The following TBC1D21 variants were observed in gnomAD, a reference collection of about 807,000 sequenced individuals.
The protein encoded by TBC1D21 is male germ cell Rab GTPase-activating protein.
A neutral mutation model predicts 46.0 loss-of-function variants in TBC1D21; 38 were observed. The ratio of observed to expected loss-of-function variants is 0.83; its 90% CI spans 0.64 to 1.08. The LOEUF is 1.08. TBC1D21 is among the 50% of genes least tolerant of loss of function. TBC1D21 has a pLI of 0.00. For synonymous variants in TBC1D21, 151 were observed against 157.2 expected (o/e 0.96, Z 0.29); for missense variants, 415 against 417.9 (o/e 0.99, Z 0.06).
intron 1 of TBC1D21, among the ~76,000 whole-genome samples, chr15:73,879,883 T>C (rs922811459): frequency 7.0e-6 from 1 of 143,450 alleles, no homozygotes; most frequent in African/African-American, 2.5e-5. Context: ...CCTGTTGTTG[T>C]TGTTGTTGTT....
chr15:73,875,326 GA>G (rs2068042471), intron 1 of TBC1D21, among the ~76,000 whole-genome samples: 2 of 116,296 alleles, frequency 1.7e-5, no homozygotes, highest in African/African-American at 6.7e-5. Flanking sequence ...GGAAGGAAGG[GA>G]GGGAGGGAGG....
At position 73,889,081 on chromosome 15, in the gene TBC1D21, T is replaced by G. The variant is rs756496516; in HGVS notation, c.991T>G (p.Leu331Val). 1.6e-5 allele frequency: 26 copies of G among 1,613,228 alleles called. No individual in the cohort carries two copies. Among genetic ancestry groups the G allele is most frequent in the Non-Finnish European group, 2.1e-5 (25 of 1,179,750 alleles). Residue 331 changes from leucine to valine, a missense_variant, in exon 11 of 11, where the codon TTA becomes GTA. By Grantham distance (32) the Leu-to-Val change is conservative. Transcript: ENST00000300504. ...GCCTCCTCCCTAGGTTCCTCAGACA[T>G]TAAAGGATTTCTTCCTCTGAGGACA... ...ELIQKDVPQT[L>V]KDFFL
the TBC1D21 span, among the ~76,000 whole-genome samples, chr15:73,905,902 A>C: frequency 6.6e-5 from 10 of 151,270 alleles, no homozygotes; most frequent in African/African-American, 2.5e-4. Context: ...CCTCTGTCCC[A>C]GGGATCATTG....
the TBC1D21 span, among the ~76,000 whole-genome samples, chr15:73,895,334 A>C: frequency 1.3e-5 from 2 of 152,150 alleles, no homozygotes; most frequent in Non-Finnish European, 2.9e-5. Flanking sequence ...ACTGTCCAGG[A>C]GCAGAGCTTG....
chr15:73,880,764 G>A (rs556564892), intron 1 of TBC1D21, among the ~76,000 whole-genome samples: 13 of 152,236 alleles, frequency 8.5e-5, no homozygotes, highest in African/African-American at 2.4e-4. Context: ...GTGAGACTCC[G>A]TCTCGAAAAA....
chr15:73,893,522 A>G (rs1170339482), downstream of TBC1D21, among the ~76,000 whole-genome samples: 1 of 152,138 alleles, frequency 6.6e-6, no homozygotes, highest in Non-Finnish European at 1.5e-5. Context: ...TCATTCATTT[A>G]TTCCTTCTTC....
At chr15:73,875,749 C>T (rs1449200652) in intron 1 of TBC1D21, among the ~76,000 whole-genome samples, 1 of 152,210 alleles carries the variant, frequency 6.6e-6, no homozygotes, top group Non-Finnish European at 1.5e-5. Context: ...AGGAAAGGCA[C>T]CACTGCAGAG....
At chr15:73,893,083 T>C (rs72745343), downstream of TBC1D21, among the ~76,000 whole-genome samples, 18,164 of 152,140 alleles carry the variant, frequency 0.12, 1,409 homozygotes, top group South Asian at 0.21. Flanking sequence ...GTGGTGGTGA[T>C]GATAGTGCTG....
the TBC1D21 span, among the ~76,000 whole-genome samples, chr15:73,903,370 G>A: frequency 1.3e-5 from 2 of 152,200 alleles, no homozygotes; most frequent in Admixed American, 6.5e-5. Context: ...GGGAGCTGGT[G>A]GATACACACC....
chr15:73,880,301 A>G (rs1046910869), intron 1 of TBC1D21, among the ~76,000 whole-genome samples: 2 of 55,416 alleles, frequency 3.6e-5, no homozygotes, highest in African/African-American at 1.0e-4. Context: ...ACACAGATAT[A>G]TACCACACAC....
At chr15:73,880,545 T>A (rs1428712035) in intron 1 of TBC1D21, among the ~76,000 whole-genome samples, 6 of 152,110 alleles carry the variant, frequency 3.9e-5, no homozygotes, top group Admixed American at 3.9e-4. Flanking sequence ...CTGAGGCAGG[T>A]GGATCACCTG....
intron 1 of TBC1D21, among the ~76,000 whole-genome samples, chr15:73,874,487 C>T (rs1324690918): frequency 6.6e-6 from 1 of 152,208 alleles, no homozygotes; most frequent in East Asian, 1.9e-4. Context: ...TCATTCTCAT[C>T]ACAACTCTAT....
the TBC1D21 span, among the ~76,000 whole-genome samples, chr15:73,907,322 T>G: frequency 1.3e-5 from 2 of 152,180 alleles, no homozygotes; most frequent in Non-Finnish European, 2.9e-5. Flanking sequence ...TCCTGATACT[T>G]CACCGGGCTG....
chr15:73,888,594 CTCCTCCTCCTCT>C, intron 10 of TBC1D21, 81 bp downstream of exon 10: 1 of 907,678 alleles, frequency 1.1e-6, no homozygotes, highest in Non-Finnish European at 1.7e-6. Flanking sequence ...CCTCCTCCTC[CTCCTCCTCCTCT>C]TCTTCCTCCT....
the TBC1D21 span, among the ~76,000 whole-genome samples, chr15:73,899,634 AGAG>A: frequency 1.3e-5 from 2 of 152,158 alleles, no homozygotes; most frequent in Non-Finnish European, 2.9e-5. Context: ...AGGCGGAATC[AGAG>A]GAGAGAAAAG....
the TBC1D21 span, among the ~76,000 whole-genome samples, chr15:73,904,494 A>G: frequency 6.6e-6 from 1 of 152,200 alleles, no homozygotes; most frequent in Non-Finnish European, 1.5e-5. Context: ...CAATTGCTAC[A>G]AATCAGGGGT....
At chr15:73,876,217 T>TG (rs2068060856) in intron 1 of TBC1D21, among the ~76,000 whole-genome samples, 2 of 41,648 alleles carry the variant, frequency 4.8e-5, no homozygotes, top group Admixed American at 2.4e-4. Flanking sequence ...TTTTTTTTTT[T>TG]TTTTTTTTTT....
At chr15:73,879,357 C>T (rs181222070) in intron 1 of TBC1D21, among the ~76,000 whole-genome samples, 12 of 152,098 alleles carry the variant, frequency 7.9e-5, no homozygotes, top group Admixed American at 5.9e-4. Flanking sequence ...ACAGGCACCC[C>T]GCCACCACAC....
chr15:73,873,587 A>G lies in TBC1D21; in HGVS notation c.-123A>G. Reference sequence around the variant, plus strand: ...ACACACTGCTGGCCGGCTCTGTTCAAGTGTGGGAGGTCAGGAGCAGCCAGT... The same window carrying G: ...ACACACTGCTGGCCGGCTCTGTTCAGGTGTGGGAGGTCAGGAGCAGCCAGT... On this transcript the variant is annotated 5_prime_UTR_variant, in exon 1 of 11. Transcript: ENST00000300504. 9.8e-7 allele frequency: 1 copy of G among 1,018,368 alleles called. No homozygotes were observed. Among genetic ancestry groups the G allele is most frequent in the Non-Finnish European group, 1.5e-6 (1 of 678,096 alleles). The allele number at this position is 1,018,368 out of a possible 1,614,324, so 63.1% of individuals were successfully genotyped here.
Sources: allele counts gnomAD v4.1 joint callset (sites outside exome capture counted in the v4.1 genomes callset), GRCh38; gene constraint gnomAD v4.1.1; transcripts MANE v1.5; gene names NCBI Gene and HGNC (gene_info 2026-07-23, HGNC 2026-07-21).